ERC1: variants seen among roughly 807,000 people sequenced by gnomAD.
The protein encoded by ERC1 is RAB6 interacting protein 2.
Under a neutral mutation model 132.0 loss-of-function variants are expected in ERC1, and 56 were observed. The ratio of observed to expected loss-of-function variants is 0.42; its 90% CI spans 0.34 to 0.53. The LOEUF (loss-of-function observed/expected upper bound fraction) is 0.53. Among genes scored for constraint, ERC1 ranks in the 20% least tolerant of loss-of-function variants. The pLI, the probability that ERC1 is intolerant of heterozygous loss-of-function variation, is 0.03. For synonymous variants in ERC1, 478 were observed against 476.1 expected (o/e 1.00, Z -0.05); for missense variants, 1,202 against 1,349.9 (o/e 0.89, Z 1.72).
At chr12:1,424,852 A>AGAT (rs1161223025) in intron 17 of ERC1, among the ~76,000 whole-genome samples, 2 of 122,954 alleles carry the variant, frequency 1.6e-5, no homozygotes, top group Non-Finnish European at 3.3e-5. Flanking sequence ...GATGATAGAT[A>AGAT]GATAGATAGA....
At chr12:1,378,766 CG>C (rs972243154) in intron 16 of ERC1, among the ~76,000 whole-genome samples, 11 of 152,136 alleles carry the variant, frequency 7.2e-5, no homozygotes, top group African/African-American at 2.4e-4. Context: ...AATTTTCTTA[CG>C]GAGTCAGGAA....
chr12:1,242,044 A>G (rs1024851770), intron 13 of ERC1, among the ~76,000 whole-genome samples: 4 of 151,172 alleles, frequency 2.6e-5, no homozygotes, highest in Non-Finnish European at 5.9e-5. Flanking sequence ...TCGGGGTTTC[A>G]CCATTTTGGC....
At chr12:1,403,365 C>G (rs148930710) in intron 16 of ERC1, among the ~76,000 whole-genome samples, 2 of 152,110 alleles carry the variant, frequency 1.3e-5, no homozygotes, top group African/African-American at 4.8e-5. Flanking sequence ...GGAATTACTC[C>G]TTTTGCTTTT....
In ERC1 at chr12:1,259,769, C is replaced by T. The variant is rs560788873; in HGVS notation, c.2488-3265C>T. Among the ~76,000 whole-genome samples the T allele has an allele frequency of 6.3e-4, 96 of 152,206 alleles. 1 individual carries two copies. The highest frequency in any genetic ancestry group is 2.1e-3 in the African/African-American group (88 of 41,538). On this transcript the variant is annotated intron_variant, in intron 13 of 18. Coordinates refer to ENST00000360905, the MANE Select transcript of ERC1 (RefSeq NM_178040.4). ...CAAACTCCTGACCTCGTGATCCACCCGCCTTGGCCTCCCAAAGTGCTGGGA... is the reference window on the plus strand; with the variant it reads ...CAAACTCCTGACCTCGTGATCCACCTGCCTTGGCCTCCCAAAGTGCTGGGA...
intron 1 of ERC1, among the ~76,000 whole-genome samples, chr12:992,041 C>T (rs1276600633): frequency 6.6e-6 from 1 of 151,946 alleles, no homozygotes; most frequent in Admixed American, 6.6e-5. Context: ...AAATTGTGAG[C>T]GTGGATGTAT....
At chr12:1,412,912 C>T (rs1048914819) in intron 17 of ERC1, among the ~76,000 whole-genome samples, 1 of 152,200 alleles carries the variant, frequency 6.6e-6, no homozygotes, top group African/African-American at 2.4e-5. Flanking sequence ...TTGTTACTAA[C>T]ATCATCGTCT....
At chr12:1,052,708 G>A (rs1972234602) in intron 2 of ERC1, among the ~76,000 whole-genome samples, 1 of 152,186 alleles carries the variant, frequency 6.6e-6, no homozygotes. Flanking sequence ...GGTGGCTCAT[G>A]CCTATAGTCC....
intron 2 of ERC1, among the ~76,000 whole-genome samples, 195 bp downstream of exon 2, chr12:1,028,767 C>T (rs549420417): frequency 1.3e-5 from 2 of 152,182 alleles, no homozygotes; most frequent in East Asian, 3.9e-4. Flanking sequence ...TTCTAGCTGC[C>T]CATGTCTCCT....
intron 15 of ERC1, among the ~76,000 whole-genome samples, chr12:1,307,631 G>A (rs1009915296): frequency 2.0e-5 from 3 of 152,094 alleles, no homozygotes; most frequent in African/African-American, 2.4e-5. Context: ...ACTAATGCCC[G>A]AGCGCCCCTT....
chr12:1,314,018 G>A (rs978982124), intron 15 of ERC1, among the ~76,000 whole-genome samples: 2 of 151,834 alleles, frequency 1.3e-5, no homozygotes, highest in Non-Finnish European at 2.9e-5. Flanking sequence ...TTAAATTAAA[G>A]TGTGTGGTAG....
chr12:1,175,489 A>T (rs1238430897), intron 8 of ERC1, among the ~76,000 whole-genome samples: 1 of 151,638 alleles, frequency 6.6e-6, no homozygotes, highest in Non-Finnish European at 1.5e-5. Context: ...AACAACAAAA[A>T]ACACTCTTAT....
At position 1,126,769 on chromosome 12, in the gene ERC1, C is replaced by CATG. The variant is rs1453325211; in HGVS notation, c.1569+10738_1569+10740dup. 3.3e-5 allele frequency among the ~76,000 whole-genome samples: 5 copies of CATG among 152,136 alleles called. No homozygotes were observed. The East Asian group carries it at 5.8e-4, about 18-fold the overall frequency. On this transcript the variant is annotated intron_variant, in intron 7 of 18. Coordinates refer to ENST00000360905, the MANE Select transcript of ERC1 (RefSeq NM_178040.4). ...CTTTGGGAGGCTGAAGCGGGCGGAT[C>CATG]ATGAGGTCAAGAGATCGACACCATT... is the stretch of plus-strand genomic sequence containing the variant.
chr12:1,388,652 T>C (rs2089652831), intron 16 of ERC1, among the ~76,000 whole-genome samples: 1 of 152,198 alleles, frequency 6.6e-6, no homozygotes, highest in African/African-American at 2.4e-5. Flanking sequence ...GAGTTTTCTT[T>C]TATAGATAAA....
intron 15 of ERC1, among the ~76,000 whole-genome samples, chr12:1,327,282 T>A (rs73036648): frequency 0.035 from 5,258 of 151,932 alleles, 98 homozygotes; most frequent in Middle Eastern, 0.075. Context: ...CCCCAGAGTC[T>A]TGTCTTATAT....
chr12:1,385,742 C>G (rs1414864362), intron 16 of ERC1: 1 of 152,222 alleles, frequency 6.6e-6, no homozygotes, highest in Non-Finnish European at 1.5e-5. Flanking sequence ...CCGCATTGTC[C>G]TCCTGAATGG....
intron 12 of ERC1, among the ~76,000 whole-genome samples, chr12:1,211,916 G>T (rs1428642001): frequency 1.3e-5 from 2 of 152,004 alleles, no homozygotes; most frequent in Non-Finnish European, 2.9e-5. Flanking sequence ...TTCACCACAG[G>T]CTCTTTACCT....
chr12:1,127,901 C>G (rs556501929), intron 7 of ERC1, among the ~76,000 whole-genome samples: 1 of 152,196 alleles, frequency 6.6e-6, no homozygotes, highest in Admixed American at 6.5e-5. Flanking sequence ...GGATCTGAAG[C>G]CAAGACCTCC....
intron 15 of ERC1, among the ~76,000 whole-genome samples, chr12:1,349,223 C>T (rs2084768130): frequency 6.6e-6 from 1 of 152,158 alleles, no homozygotes; most frequent in Non-Finnish European, 1.5e-5. Context: ...TGTTTTTCTC[C>T]AGGGTTTCTA....
intron 2 of ERC1, among the ~76,000 whole-genome samples, chr12:1,036,211 G>A (rs1565831325): frequency 1.3e-5 from 2 of 151,906 alleles, no homozygotes; most frequent in Middle Eastern, 3.4e-3. Flanking sequence ...CTTAGGAATC[G>A]AGAATTTCTA....
Sources: gnomAD v4.1 joint callset for allele counts (sites outside exome capture counted in the v4.1 genomes callset) on GRCh38, gnomAD v4.1.1 for gene constraint, MANE v1.5 for transcripts, NCBI Gene and HGNC (gene_info 2026-07-23, HGNC 2026-07-21) for gene names.